Variants in DDX4 observed in about 807,000 individuals in gnomAD.
DDX4 encodes the protein DEAD-box helicase 4.
In DDX4, 25 loss-of-function variants were observed where a neutral mutation model predicts 100.0. That is an observed-to-expected ratio of 0.25 (90% CI 0.18 to 0.35). The LOEUF is 0.35. DDX4 is among the 10% of genes least tolerant of loss of function. The pLI, the probability that DDX4 is intolerant of heterozygous loss-of-function variation, is 1.00. For synonymous variants in DDX4, 259 were observed against 275.7 expected, an observed-to-expected ratio of 0.94 and a Z score of 0.60; for missense variants, 635 against 882.4, an observed-to-expected ratio of 0.72 and a Z score of 3.55.
rs565134436 is a variant in DDX4, at chr5:55,763,717, T to C, written c.284-297T>C. 4.8e-4 allele frequency among the ~76,000 whole-genome samples: 73 copies of C among 152,296 alleles called. No individual in the cohort carries two copies. In the South Asian group the frequency reaches 7.5e-3, roughly 16 times the overall value. On this transcript the variant is annotated intron_variant, in intron 5 of 21. Transcript: ENST00000505374. ...TTGATGGTTTTAAATAGAAAACATA[T>C]AGTGGTTACACTGACATATTCCTCT... is the stretch of plus-strand genomic sequence containing the variant.
In DDX4 at chr5:55,767,898, G is replaced by A. The variant is rs757458025; in HGVS notation, c.352G>A (p.Glu118Lys). The A allele has an allele frequency of 1.1e-5, 18 of 1,613,816 alleles. No individual in the cohort carries two copies. The highest frequency in any genetic ancestry group is 2.2e-5 in the South Asian group (2 of 91,066). Residue 118 changes from glutamate to lysine, a missense_variant, in exon 7 of 22, where the codon GAA becomes AAA. By Grantham distance (56) the Glu-to-Lys change is moderately conservative. This residue lies in a region of DDX4 where 446 missense variants were observed against 540.8 expected (regional missense o/e 0.82). Coordinates refer to ENST00000505374, the MANE Select transcript of DDX4 (RefSeq NM_024415.3). ...TATTGAAGAGTCTAGTAATGACTGC[G>A]AAGATAATCCAACACGGAACAGAGG... ...GFWRESSNDC[E>K]DNPTRNRGFS...
At chr5:55,788,382 A>G (rs547448898) in intron 15 of DDX4, among the ~76,000 whole-genome samples, 1 of 152,288 alleles carries the variant, frequency 6.6e-6, no homozygotes, top group South Asian at 2.1e-4. Context: ...AGGTTGAGGC[A>G]GAAGGATTGT....
intron 14 of DDX4, 41 bp from the exon 15 acceptor site, chr5:55,787,805 G>A (rs1343185780): frequency 2.5e-6 from 4 of 1,596,096 alleles, no homozygotes; most frequent in East Asian, 4.5e-5. Context: ...GGATAAAAGT[G>A]TTGTGCTATA....
intron 18 of DDX4, among the ~76,000 whole-genome samples, chr5:55,810,487 A>C (rs10066928): frequency 6.6e-6 from 1 of 152,130 alleles, no homozygotes; most frequent in East Asian, 1.9e-4. Context: ...AAACTCTGAA[A>C]TGCTCCAGTG....
At chr5:55,755,713 TC>T (rs2111724654) in intron 3 of DDX4, among the ~76,000 whole-genome samples, 1 of 151,924 alleles carries the variant, frequency 6.6e-6, no homozygotes, top group South Asian at 2.1e-4. Flanking sequence ...CAGGGCAGAT[TC>T]TTTTTTTTTT....
intron 10 of DDX4, 135 bp downstream of exon 10, chr5:55,782,116 G>C: frequency 1.0e-6 from 1 of 956,936 alleles, no homozygotes; most frequent in Non-Finnish European, 1.6e-6. Flanking sequence ...TTTATACACT[G>C]TGAGGACCAT....
rs369736700 is a variant in DDX4, at chr5:55,793,495, G to C, written c.1469+688G>C. Among the ~76,000 whole-genome samples the C allele has an allele frequency of 3.8e-4, 58 of 152,322 alleles. 1 individual carries two copies. Among genetic ancestry groups the C allele is most frequent in the African/African-American group, 1.3e-3 (56 of 41,564 alleles). Reference sequence around the variant, plus strand: ...ATAGGTTTATCGGGATGTTAACCCTGTTGTAAGTTGGGAACCATCTGTAAT... The same window carrying C: ...ATAGGTTTATCGGGATGTTAACCCTCTTGTAAGTTGGGAACCATCTGTAAT... On this transcript the variant is annotated intron_variant, in intron 17 of 21. Coordinates refer to ENST00000505374, the MANE Select transcript of DDX4 (RefSeq NM_024415.3).
At chr5:55,790,005 A>G (rs1010081073) in intron 15 of DDX4, among the ~76,000 whole-genome samples, 3 of 152,024 alleles carry the variant, frequency 2.0e-5, no homozygotes, top group African/African-American at 2.4e-5. Context: ...CTCATGTAAC[A>G]TGTTGCTTTC....
Position 55,785,621 on chromosome 5 carries a change from G to C in DDX4, c.722-108G>C. The C allele has an allele frequency of 2.4e-6, 3 of 1,263,476 alleles. No individual in the cohort carries two copies. The South Asian group carries it at 4.2e-5, about 18-fold the overall frequency. The allele number at this position is 1,263,476 out of a possible 1,614,324, so 78.3% of individuals were successfully genotyped here. On this transcript the variant is annotated intron_variant, in intron 12 of 21. Coordinates refer to ENST00000505374, the MANE Select transcript of DDX4 (RefSeq NM_024415.3). ...TGAAAACTTTAAAGGTAAGCAGTGGGAAGTTCCATAGTATTTAAAATTTGA... is the reference window on the plus strand; with the variant it reads ...TGAAAACTTTAAAGGTAAGCAGTGGCAAGTTCCATAGTATTTAAAATTTGA...
chr5:55,760,321 A>G lies in DDX4; in HGVS notation c.205+44A>G, dbSNP rs149509972. The G allele has an allele frequency of 5.0e-4, 748 of 1,508,122 alleles. 5 individuals carry two copies. The African/African-American group carries it at 9.9e-3, about 20-fold the overall frequency. 93.4% of individuals were successfully genotyped at this position (1,508,122 alleles called of 1,614,324 possible). A position where few individuals can be genotyped will look rare whatever the true frequency, so the allele number is the denominator to read the frequency against. ...CCTTAATCTCCTGAACTGTTGAATA[A>G]TTGGATATATAGAGGCTTTCATGGC... On this transcript the variant is annotated intron_variant, in intron 4 of 21. Coordinates refer to ENST00000505374, the MANE Select transcript of DDX4 (RefSeq NM_024415.3).
chr5:55,795,085 C>A (rs926216910), intron 17 of DDX4, among the ~76,000 whole-genome samples: 2 of 152,046 alleles, frequency 1.3e-5, no homozygotes, highest in African/African-American at 4.8e-5. Context: ...CCTCCCTCAG[C>A]CTCCTGAGTG....
rs533859072 is a variant in DDX4 at position 55,785,512 on chromosome 5, T to G, written c.721+18T>G. Reference sequence around the variant, plus strand: ...TACTCAAGGTATATTAACATTTGTGTGACTCACATAGAAGTATGTTGTGTT... The same window carrying G: ...TACTCAAGGTATATTAACATTTGTGGGACTCACATAGAAGTATGTTGTGTT... On this transcript the variant is annotated intron_variant, in intron 12 of 21. Transcript: ENST00000505374. 3.7e-5 allele frequency: 57 copies of G among 1,553,522 alleles called. No homozygotes were observed. The highest frequency in any genetic ancestry group is 1.0e-4 in the South Asian group (9 of 86,902).
chr5:55,811,951 A>T (rs920884177), intron 18 of DDX4, among the ~76,000 whole-genome samples: 11 of 152,328 alleles, frequency 7.2e-5, no homozygotes, highest in African/African-American at 2.6e-4. Flanking sequence ...ACCCAAGTAG[A>T]GTAAGTGTAT....
chr5:55,786,544 G>A lies in DDX4; in HGVS notation c.891G>A (p.Gln297=). ...CTTTTGAAGAAGCTAATCTCTGTCAGACACTGAATAACAACATTGCTAAAG... is the reference window on the plus strand; with the variant it reads ...CTTTTGAAGAAGCTAATCTCTGTCAAACACTGAATAACAACATTGCTAAAG... The part of the protein sequence containing the change: ...ILTFEEANLC[Q]TLNNNIAKAG... Residue 297 remains glutamine, a synonymous_variant, in exon 14 of 22, where the codon CAG becomes CAA. Transcript: ENST00000505374. 1.2e-6 allele frequency: 2 copies of A among 1,613,022 alleles called. No homozygotes were observed. Among genetic ancestry groups the A allele is most frequent in the Non-Finnish European group, 1.7e-6 (2 of 1,179,202 alleles).
At position 55,815,009 on chromosome 5, in the gene DDX4, T is replaced by C; in HGVS notation, c.1824T>C (p.Asn608=). The part of the protein sequence containing the change: ...SVAARGLDIE[N]VQHVINFDLP... ...CTGCCAGAGGGCTGGATATTGAAAA[T>C]GTGCAACATGTTATCAATTTTGATC... is the stretch of plus-strand genomic sequence containing the variant. Residue 608 remains asparagine, a synonymous_variant, in exon 20 of 22, where the codon AAT becomes AAC. Transcript: ENST00000505374. The C allele has an allele frequency of 6.2e-7, 1 of 1,614,154 alleles. No homozygotes were observed. The highest frequency in any genetic ancestry group is 8.5e-7 in the Non-Finnish European group (1 of 1,179,966).
intron 18 of DDX4, among the ~76,000 whole-genome samples, chr5:55,808,134 T>A (rs1030081458): frequency 1.3e-5 from 2 of 152,232 alleles, no homozygotes; most frequent in African/African-American, 2.4e-5. Flanking sequence ...TGTGCATTCA[T>A]CCTGTAGTTC....
intron 7 of DDX4, among the ~76,000 whole-genome samples, chr5:55,770,214 T>C (rs994723594): frequency 1.1e-4 from 17 of 149,098 alleles, no homozygotes; most frequent in East Asian, 8.1e-4. Context: ...GGTTTTTTTT[T>C]CCCCCCTATG....
chr5:55,747,203 A>G (rs1345632615), intron 3 of DDX4, among the ~76,000 whole-genome samples: 4 of 152,168 alleles, frequency 2.6e-5, no homozygotes, highest in Non-Finnish European at 4.4e-5. Context: ...CAACATGGTG[A>G]AACCCCGTCT....
At chr5:55,759,538 A>T (rs1207662788) in intron 3 of DDX4, among the ~76,000 whole-genome samples, 1 of 152,192 alleles carries the variant, frequency 6.6e-6, no homozygotes, top group Non-Finnish European at 1.5e-5. Flanking sequence ...TGGCCAGTTT[A>T]TAAACACTCT....
Sources: allele counts gnomAD v4.1 joint callset (sites outside exome capture counted in the v4.1 genomes callset), GRCh38; gene constraint gnomAD v4.1.1; regional missense constraint gnomAD v4.1.1; transcripts MANE v1.5; gene names NCBI Gene and HGNC (gene_info 2026-07-23, HGNC 2026-07-21).